EFCAB11: variants seen among roughly 807,000 people sequenced by gnomAD.
EFCAB11 encodes EF-hand calcium binding domain 11, also known as EF-hand calcium-binding domain-containing protein 11.
EFCAB11 carries 14 observed loss-of-function variants against 23.0 expected under a neutral mutation model. The ratio of observed to expected loss-of-function variants is 0.61; its 90% CI spans 0.40 to 0.95. The LOEUF (loss-of-function observed/expected upper bound fraction) is 0.95. Ranked by LOEUF, EFCAB11 falls within the 40% of genes least tolerant of loss-of-function variation. EFCAB11 has a pLI of 0.00. For missense variants in EFCAB11, 198 were observed against 195.8 expected (o/e 1.01, Z -0.07); for synonymous variants, 65 against 66.6 (o/e 0.98, Z 0.11).
At chr14:89,904,894 T>A (rs1889448756) in intron 5 of EFCAB11, among the ~76,000 whole-genome samples, 1 of 152,204 alleles carries the variant, frequency 6.6e-6, no homozygotes, top group Non-Finnish European at 1.5e-5. Flanking sequence ...ATGGGTAGAT[T>A]GCAAAAATTT....
chr14:89,844,931 G>C (rs569948354), intron 5 of EFCAB11, among the ~76,000 whole-genome samples: 170 of 152,106 alleles, frequency 1.1e-3, no homozygotes, highest in African/African-American at 4.1e-3. Context: ...TCTGTATCTC[G>C]CACTGTGGGT....
At chr14:89,802,610 C>T (rs1264123225) in intron 5 of EFCAB11, among the ~76,000 whole-genome samples, 1 of 152,186 alleles carries the variant, frequency 6.6e-6, no homozygotes, top group Non-Finnish European at 1.5e-5. Context: ...CCAGGCTGGT[C>T]TCAAACTCCT....
At chr14:89,840,665 T>C (rs1209274889) in intron 5 of EFCAB11, among the ~76,000 whole-genome samples, 1 of 152,248 alleles carries the variant, frequency 6.6e-6, no homozygotes, top group African/African-American at 2.4e-5. Context: ...TTTGTGGTTC[T>C]CTGCATTTTA....
At chr14:89,954,503 G>A (rs1196112843) in intron 1 of EFCAB11, 83 bp downstream of exon 1, 19 of 1,571,952 alleles carry the variant, frequency 1.2e-5, no homozygotes, top group Non-Finnish European at 1.5e-5. Flanking sequence ...ACACCCGGCA[G>A]AGTGAGACCC....
At chr14:89,924,225 T>C (rs1313138773) in intron 5 of EFCAB11, 3 of 988,318 alleles carry the variant, frequency 3.0e-6, no homozygotes, top group Admixed American at 6.1e-5. Context: ...ATGTCCTATG[T>C]CCTTTGACCT....
chr14:89,933,707 A>G (rs1479925190), intron 3 of EFCAB11, among the ~76,000 whole-genome samples: 1 of 152,204 alleles, frequency 6.6e-6, no homozygotes, highest in African/African-American at 2.4e-5. Flanking sequence ...TCCAGTCCCA[A>G]GGGAGCTACT....
At chr14:89,860,710 C>G (rs1025922341) in intron 5 of EFCAB11, among the ~76,000 whole-genome samples, 1 of 152,060 alleles carries the variant, frequency 6.6e-6, no homozygotes, top group Admixed American at 6.6e-5. Context: ...AGAGTGGAAT[C>G]AAAGAATATC....
chr14:89,851,657 C>T lies in EFCAB11; in HGVS notation c.411-54333G>A, dbSNP rs143283833. On this transcript the variant is annotated intron_variant, in intron 5 of 5. Transcript: ENST00000316738. ...AGAGAAACGAAAAGCAAATTTGGAT[C>T]TAACAATAAACAAAACAACCATATA... 2.4e-4 allele frequency among the ~76,000 whole-genome samples: 37 copies of T among 152,246 alleles called. 1 individual carries two copies. Among genetic ancestry groups the T allele is most frequent in the Middle Eastern group, 3.4e-3 (1 of 294 alleles).
chr14:89,950,239 G>C, intron 2 of EFCAB11, 97 bp from the exon 3 acceptor site: 2 of 1,296,208 alleles, frequency 1.5e-6, no homozygotes, highest in South Asian at 2.9e-5. Flanking sequence ...TCTATTTTAT[G>C]AGAAACCAAG....
intron 5 of EFCAB11, among the ~76,000 whole-genome samples, chr14:89,806,128 GA>G (rs1200155163): frequency 6.6e-6 from 1 of 151,706 alleles, no homozygotes; most frequent in Non-Finnish European, 1.5e-5. Flanking sequence ...TCCAGTCCAA[GA>G]AAAAAGGAAA....
chr14:89,873,723 C>A (rs976983206), intron 5 of EFCAB11, among the ~76,000 whole-genome samples: 1 of 152,236 alleles, frequency 6.6e-6, no homozygotes, highest in African/African-American at 2.4e-5. Flanking sequence ...AATCTTAAAA[C>A]TCCAAAATGA....
chr14:89,810,240 G>A (rs1215616322), intron 5 of EFCAB11, among the ~76,000 whole-genome samples: 1 of 152,142 alleles, frequency 6.6e-6, no homozygotes, highest in Non-Finnish European at 1.5e-5. Flanking sequence ...GGGAGAGTTT[G>A]GAGACGGGAG....
intron 3 of EFCAB11, among the ~76,000 whole-genome samples, chr14:89,946,033 C>T (rs2139839143): frequency 6.6e-6 from 1 of 151,990 alleles, no homozygotes; most frequent in Non-Finnish European, 1.5e-5. Context: ...ATTCTCGTGC[C>T]TCAGCCCCCC....
At chr14:89,923,549 C>T (rs1240711502) in intron 5 of EFCAB11, 4 of 438,168 alleles carry the variant, frequency 9.1e-6, no homozygotes, top group African/African-American at 4.3e-5. Context: ...TCTACTTCTT[C>T]GGTCATGCCA....
At chr14:89,942,045 A>ACT (rs559260421) in intron 3 of EFCAB11, among the ~76,000 whole-genome samples, 56 of 148,508 alleles carry the variant, frequency 3.8e-4, no homozygotes, top group Non-Finnish European at 7.2e-4. Context: ...TTCCCCGTTC[A>ACT]CTCTCTCTCT....
At chr14:89,811,586 C>T (rs761780846) in intron 5 of EFCAB11, among the ~76,000 whole-genome samples, 15 of 152,048 alleles carry the variant, frequency 9.9e-5, no homozygotes, top group Non-Finnish European at 1.8e-4. Context: ...AGAGGGCGTA[C>T]AAGAATCAGA....
At chr14:89,865,506 A>C (rs893372478) in intron 5 of EFCAB11, among the ~76,000 whole-genome samples, 2 of 152,050 alleles carry the variant, frequency 1.3e-5, no homozygotes, top group Non-Finnish European at 2.9e-5. Context: ...GAGGTCTAAA[A>C]AAAATTTATT....
At chr14:89,847,134 G>A (rs1887454132) in intron 5 of EFCAB11, among the ~76,000 whole-genome samples, 1 of 152,154 alleles carries the variant, frequency 6.6e-6, no homozygotes, top group African/African-American at 2.4e-5. Context: ...TCTTGCCCAA[G>A]CTGCTTTTGT....
rs771339492 is a variant in EFCAB11, at chr14:89,931,548, C to A, written c.403G>T (p.Val135Leu). Residue 135 changes from valine to leucine, a missense_variant, in exon 5 of 6, where the codon GTA becomes TTA. Coordinates refer to ENST00000316738, the MANE Select transcript of EFCAB11 (RefSeq NM_145231.4). ...AGGATTTTGATGCCTTACCTGAATA[C>A]CTCAAGAACAGTCCTTTCCGGTAAT... ...PKLPERTVLE[V>L]FREVDRDSDG... is the part of the protein sequence containing the mutation. 2 of 1,613,904 alleles carry A rather than the reference C, an allele frequency of 1.2e-6. No individual in the cohort carries two copies. The highest frequency in any genetic ancestry group is 1.7e-6 in the Non-Finnish European group (2 of 1,179,914).
Sources: allele counts gnomAD v4.1 joint callset (sites outside exome capture counted in the v4.1 genomes callset), GRCh38; gene constraint gnomAD v4.1.1; transcripts MANE v1.5; gene names NCBI Gene and HGNC (gene_info 2026-07-23, HGNC 2026-07-21).